Variants in LDLRAD2 observed in about 807,000 individuals in gnomAD.
LDLRAD2 encodes the protein low density lipoprotein receptor class A domain containing 2.
LDLRAD2 carries 25 observed loss-of-function variants against 24.9 expected under a neutral mutation model. The observed-to-expected ratio is 1.00, with a 90% CI of 0.73 to 1.40. LDLRAD2 has a LOEUF of 1.40. Among genes scored for constraint, LDLRAD2 ranks in the 40% most tolerant of loss-of-function variants. The pLI is 0.00. For synonymous variants in LDLRAD2, 182 were observed against 166.7 expected (o/e 1.09, Z -0.71); for missense variants, 391 against 366.2 (o/e 1.07, Z -0.55).
At position 21,824,461 on chromosome 1, in the gene LDLRAD2, C is replaced by G. The variant is rs556925269; in HGVS notation, c.*2246C>G. 43 of 1,603,014 alleles carry G rather than the reference C, an allele frequency of 2.7e-5. No individual in the cohort carries two copies. In the African/African-American group the frequency reaches 5.5e-4, roughly 20 times the overall value. ...CCAGGGGGCTCTGCTTTCCCCTCCC[C>G]CCACCACTCCGGCCACCAGGAAGCC... On this transcript the variant is annotated 3_prime_UTR_variant, in exon 5 of 5. Transcript: ENST00000344642. This position sits in a 1 kb window ranked among gnomAD's most constrained non-coding sequence, Gnocchi z 5.9.
chr1:21,823,122 G>T lies in LDLRAD2; in HGVS notation c.*907G>T, dbSNP rs1240932399. 2 of 528,866 alleles carry T rather than the reference G, an allele frequency of 3.8e-6. No homozygotes were observed. The highest frequency in any genetic ancestry group is 6.3e-6 in the Non-Finnish European group (2 of 316,460). The allele number at this position is 528,866 out of a possible 1,614,324, so 32.8% of individuals were successfully genotyped here. On this transcript the variant is annotated 3_prime_UTR_variant, in exon 5 of 5. Transcript: ENST00000344642. ...CCACTCCCATCCAACCTGCCTTGCT[G>T]GCCAGCCTTGTGGCTTTGCCCAGCT...
At chr1:21,819,750 C>A (rs541411256) in intron 3 of LDLRAD2, among the ~76,000 whole-genome samples, 1 of 151,800 alleles carries the variant, frequency 6.6e-6, no homozygotes, top group Admixed American at 6.6e-5. Context: ...AATGTGAGTG[C>A]GTATTAGTCC....
chr1:21,822,977 G>T lies in LDLRAD2; in HGVS notation c.*762G>T, dbSNP rs575761790. On this transcript the variant is annotated 3_prime_UTR_variant, in exon 5 of 5. Transcript: ENST00000344642. ...GAGTGAGAACTGCCCAAGGGCTGCAGAAACAGGCCACCCAGCTCTATCTGG... is the reference window on the plus strand; with the variant it reads ...GAGTGAGAACTGCCCAAGGGCTGCATAAACAGGCCACCCAGCTCTATCTGG... 4.0e-5 allele frequency: 9 copies of T among 227,618 alleles called. No individual in the cohort carries two copies. The East Asian group carries it at 8.2e-4, about 21-fold the overall frequency. 14.1% of individuals were successfully genotyped at this position (227,618 alleles called of 1,614,324 possible).
chr1:21,818,159 A>C (rs935468806), intron 3 of LDLRAD2, among the ~76,000 whole-genome samples: 2 of 33,790 alleles, frequency 5.9e-5, no homozygotes, highest in African/African-American at 3.1e-4. Context: ...TTACAGGTGC[A>C]CACCACCACG....
chr1:21,814,291 G>T, intron 1 of LDLRAD2, 107 bp from the exon 2 acceptor site: 1 of 826,192 alleles, frequency 1.2e-6, no homozygotes, highest in Non-Finnish European at 1.8e-6. Flanking sequence ...AGGAAAATGA[G>T]GCTCAGAGAG....
chr1:21,823,281 C>T lies in LDLRAD2; in HGVS notation c.*1066C>T, dbSNP rs1385811921. On this transcript the variant is annotated 3_prime_UTR_variant, in exon 5 of 5. Coordinates refer to ENST00000344642, the MANE Select transcript of LDLRAD2 (RefSeq NM_001013693.3). ...TATACTCGACATTGTCGGGCTGGGG[C>T]GTGGCCCGGGAGTCCGTGTGGGGCA... 4.8e-6 allele frequency: 7 copies of T among 1,466,790 alleles called. No homozygotes were observed. Among genetic ancestry groups the T allele is most frequent in the East Asian group, 5.0e-5 (2 of 40,174 alleles). 90.9% of individuals were successfully genotyped at this position (1,466,790 alleles called of 1,614,324 possible).
chr1:21,813,887 T>C (rs1203717510), intron 1 of LDLRAD2, among the ~76,000 whole-genome samples: 1 of 151,940 alleles, frequency 6.6e-6, no homozygotes, highest in Non-Finnish European at 1.5e-5. Context: ...TTTTTTTTTT[T>C]TGGTGACGGA....
chr1:21,814,896 C>T, intron 2 of LDLRAD2, 73 bp downstream of exon 2: 2 of 1,311,904 alleles, frequency 1.5e-6, no homozygotes, highest in South Asian at 4.0e-5. Context: ...AGTGGGGGCC[C>T]CGGTGAGGGC....
At position 21,824,043 on chromosome 1, in the gene LDLRAD2, C is replaced by G; in HGVS notation, c.*1828C>G. The G allele has an allele frequency of 7.5e-7, 1 of 1,338,142 alleles. No individual in the cohort carries two copies. Among genetic ancestry groups the G allele is most frequent in the South Asian group, 1.2e-5 (1 of 81,342 alleles). The allele number at this position is 1,338,142 out of a possible 1,614,324, so 82.9% of individuals were successfully genotyped here. On this transcript the variant is annotated 3_prime_UTR_variant, in exon 5 of 5. Transcript: ENST00000344642. This position sits in a 1 kb window ranked among gnomAD's most constrained non-coding sequence, Gnocchi z 5.9. ...TCTCCACAGAGCTCAATACCTGCCT[C>G]TCTGCCCATGGTAGGGGGCGTCCTG...
chr1:21,815,652 AAAT>A (rs1165279069), intron 2 of LDLRAD2, among the ~76,000 whole-genome samples: 1 of 152,172 alleles, frequency 6.6e-6, no homozygotes, highest in Non-Finnish European at 1.5e-5. Context: ...AATAATTAAA[AAAT>A]AATAAAATTA....
chr1:21,812,748 G>A (rs1178889812), intron 1 of LDLRAD2, among the ~76,000 whole-genome samples: 3 of 152,230 alleles, frequency 2.0e-5, no homozygotes, highest in Admixed American at 2.0e-4. Flanking sequence ...CTAGAAGCAG[G>A]AGTCTGGGAG....
rs1233237717 is a variant in LDLRAD2 at position 21,814,437 on chromosome 1, A to T, written c.125A>T (p.Asp42Val). Residue 42 changes from aspartate to valine, a missense_variant, in exon 2 of 5, where the codon GAC (aspartate) becomes GTC (valine). Transcript: ENST00000344642. ...CTGTGCGGGCAGACGTGGCAGGGGG[A>T]CGGGCTGCTGCTGCGCTCGCACGCC... ...AELCGQTWQGDGLLLRSHAAS... is the reference protein window; with the variant it reads ...AELCGQTWQGVGLLLRSHAAS... 6.2e-7 allele frequency: 1 copy of T among 1,608,336 alleles called. No homozygotes were observed. Among genetic ancestry groups the T allele is most frequent in the South Asian group, 1.1e-5 (1 of 90,744 alleles).
In LDLRAD2 at chr1:21,824,262, T is replaced by A; in HGVS notation, c.*2047T>A. ...GGGGCAGGACCGGGGGGTGGGGTGC[T>A]GGGACCAGGGAAGGGAGAGGAAGGG... On this transcript the variant is annotated 3_prime_UTR_variant, in exon 5 of 5. Coordinates refer to ENST00000344642, the MANE Select transcript of LDLRAD2 (RefSeq NM_001013693.3). This position sits in a 1 kb window ranked among gnomAD's most constrained non-coding sequence, Gnocchi z 5.9. The A allele has an allele frequency of 6.2e-7, 1 of 1,613,282 alleles. No homozygotes were observed. Among genetic ancestry groups the A allele is most frequent in the Non-Finnish European group, 8.5e-7 (1 of 1,179,480 alleles).
At chr1:21,815,837 C>A in intron 2 of LDLRAD2, 106 bp from the exon 3 acceptor site, 1 of 1,368,702 alleles carries the variant, frequency 7.3e-7, no homozygotes, top group Non-Finnish European at 1.0e-6. Context: ...ATGAGGGCAG[C>A]TCTCTCCTGC....
Position 21,823,219 on chromosome 1 carries a change from G to T in LDLRAD2, c.*1004G>T. 6.7e-6 allele frequency: 8 copies of T among 1,192,294 alleles called. No individual in the cohort carries two copies. The East Asian group carries it at 2.2e-4, about 32-fold the overall frequency. 73.9% of individuals were successfully genotyped at this position (1,192,294 alleles called of 1,614,324 possible). A position where few individuals can be genotyped will look rare whatever the true frequency, so the allele number is the denominator to read the frequency against. On this transcript the variant is annotated 3_prime_UTR_variant, in exon 5 of 5. Transcript: ENST00000344642. Reference sequence around the variant, plus strand: ...TAGCAGCAAAGCGTGGCATCGCCTCGGTTTCTTACAAAAATTCATAATAAT... The same window carrying T: ...TAGCAGCAAAGCGTGGCATCGCCTCTGTTTCTTACAAAAATTCATAATAAT...
At chr1:21,817,469 A>G (rs1408835246) in intron 3 of LDLRAD2, among the ~76,000 whole-genome samples, 1 of 151,858 alleles carries the variant, frequency 6.6e-6, no homozygotes, top group Non-Finnish European at 1.5e-5. Flanking sequence ...CAGCCCCCAG[A>G]GTAGCTGGGA....
Position 21,821,324 on chromosome 1 carries a change from A to C in LDLRAD2, c.644-126A>C, listed in dbSNP as rs547998615. 64 of 1,279,814 alleles carry C rather than the reference A, an allele frequency of 5.0e-5. No individual in the cohort carries two copies. The African/African-American group carries it at 8.4e-4, about 17-fold the overall frequency. The allele number at this position is 1,279,814 out of a possible 1,614,324, so 79.3% of individuals were successfully genotyped here. A position where few individuals can be genotyped will look rare whatever the true frequency, so the allele number is the denominator to read the frequency against. On this transcript the variant is annotated intron_variant, in intron 3 of 4. Coordinates refer to ENST00000344642, the MANE Select transcript of LDLRAD2 (RefSeq NM_001013693.3). ...CAGCTAATTGAACTCGGCAAGTGAC[A>C]ACCTCTCTGTAAAATGGAAACACAG...
At chr1:21,813,396 C>G (rs2097940511) in intron 1 of LDLRAD2, among the ~76,000 whole-genome samples, 1 of 152,202 alleles carries the variant, frequency 6.6e-6, no homozygotes, top group Non-Finnish European at 1.5e-5. Flanking sequence ...CAGAGAAATA[C>G]CAAATATTGG....
chr1:21,813,894 C>T (rs1269807082), intron 1 of LDLRAD2, among the ~76,000 whole-genome samples: 2 of 149,516 alleles, frequency 1.3e-5, no homozygotes, highest in South Asian at 2.2e-4. Flanking sequence ...TTTTTGGTGA[C>T]GGAGTCTCGC....
Sources: allele counts gnomAD v4.1 joint callset (sites outside exome capture counted in the v4.1 genomes callset), GRCh38; gene constraint gnomAD v4.1.1; non-coding constraint Gnocchi (gnomAD v3.1); transcripts MANE v1.5; gene names NCBI Gene and HGNC (gene_info 2026-07-23, HGNC 2026-07-21).